The following HECW1 variants were observed in gnomAD, a reference collection of about 807,000 sequenced individuals.
HECW1 encodes E3 ubiquitin-protein ligase HECW1.
In HECW1, 61 loss-of-function variants were observed where a neutral mutation model predicts 182.3. That is an observed-to-expected ratio of 0.33 (90% CI 0.27 to 0.41). The LOEUF (loss-of-function observed/expected upper bound fraction) is 0.41, where lower values mean the gene tolerates loss of function less well. Ranked by LOEUF, HECW1 falls within the 10% of genes least tolerant of loss-of-function variation. The probability of loss-of-function intolerance (pLI) is 1.00; values close to 1 mark genes in which losing one functional copy is unlikely to be tolerated. For missense variants in HECW1, 1,739 were observed against 2,108.9 expected (o/e 0.82, Z 3.44); for synonymous variants, 859 against 832.6 (o/e 1.03, Z -0.55).
chr7:43,378,766 A>G (rs773801466), intron 6 of HECW1, among the ~76,000 whole-genome samples: 49 of 152,154 alleles, frequency 3.2e-4, no homozygotes, highest in Non-Finnish European at 5.7e-4. Flanking sequence ...AGATTGCGCT[A>G]CTGCACTCCA....
At chr7:43,276,123 T>A (rs1803112265) in intron 3 of HECW1, among the ~76,000 whole-genome samples, 1 of 152,196 alleles carries the variant, frequency 6.6e-6, no homozygotes, top group Non-Finnish European at 1.5e-5. Context: ...CCTTTTCATT[T>A]TTTTTCTTGT....
chr7:43,421,009 A>G (rs2076165504), intron 8 of HECW1, among the ~76,000 whole-genome samples: 1 of 152,232 alleles, frequency 6.6e-6, no homozygotes, highest in South Asian at 2.1e-4. Flanking sequence ...AGAAAAGAAA[A>G]AAAAAGCAGG....
chr7:43,191,421 G>A (rs1408435473), intron 2 of HECW1, among the ~76,000 whole-genome samples: 2 of 152,204 alleles, frequency 1.3e-5, no homozygotes, highest in Non-Finnish European at 1.5e-5. Flanking sequence ...CACATGCAGA[G>A]CCAGAATGGG....
chr7:43,515,504 C>T (rs1016857333), intron 24 of HECW1, among the ~76,000 whole-genome samples: 3 of 152,072 alleles, frequency 2.0e-5, no homozygotes, highest in African/African-American at 4.8e-5. Flanking sequence ...GGAGCATGAA[C>T]AAATGAATGA....
At chr7:43,441,655 T>C (rs1161833947) in intron 9 of HECW1, among the ~76,000 whole-genome samples, 1 of 152,216 alleles carries the variant, frequency 6.6e-6, no homozygotes. Flanking sequence ...CCTGTCTAAA[T>C]TACTCAACTC....
intron 6 of HECW1, among the ~76,000 whole-genome samples, chr7:43,364,295 C>T (rs1816339175): frequency 6.6e-6 from 1 of 152,178 alleles, no homozygotes; most frequent in Non-Finnish European, 1.5e-5. Context: ...GTCTTTGTCC[C>T]ATGGGCAACT....
chr7:43,562,824 G>A lies in HECW1; in HGVS notation c.*898G>A, dbSNP rs1271159187. ...AATGCCAACTGGAGAAAGGGAAGAA[G>A]GACATATTACCTTGGTTTGAATCCC... On this transcript the variant is annotated 3_prime_UTR_variant, in exon 30 of 30. Coordinates refer to ENST00000395891, the MANE Select transcript of HECW1 (RefSeq NM_015052.5). 1.4e-5 allele frequency: 3 copies of A among 217,108 alleles called. No homozygotes were observed. Among genetic ancestry groups the A allele is most frequent in the East Asian group, 1.4e-4 (2 of 14,670 alleles). 13.4% of individuals were successfully genotyped at this position (217,108 alleles called of 1,614,324 possible).
At chr7:43,154,828 T>A (rs908460700) in intron 2 of HECW1, among the ~76,000 whole-genome samples, 1 of 152,222 alleles carries the variant, frequency 6.6e-6, no homozygotes, top group Non-Finnish European at 1.5e-5. Context: ...GAAATAGGTA[T>A]AATTTTCTGG....
intron 13 of HECW1, among the ~76,000 whole-genome samples, chr7:43,462,473 C>T (rs1376839334): frequency 6.6e-6 from 1 of 151,784 alleles, no homozygotes; most frequent in African/African-American, 2.4e-5. Context: ...CCTGGGAACT[C>T]ATCAGAAATG....
intron 3 of HECW1, among the ~76,000 whole-genome samples, chr7:43,286,703 G>T (rs1451552470): frequency 1.3e-5 from 2 of 152,006 alleles, no homozygotes; most frequent in African/African-American, 4.8e-5. Flanking sequence ...TGGGAGGAGG[G>T]ATATCACCAA....
In HECW1 at chr7:43,142,611, GC is replaced by G. The variant is rs1282866115; in HGVS notation, c.-32+28224del. On this transcript the variant is annotated intron_variant, in intron 2 of 29. Transcript: ENST00000395891. ...TCACATCTCTTTGCCCACAGGCCTG[GC>G]CCCTCTGTGGCTTCTAATTTTTTGT... 3.3e-5 allele frequency among the ~76,000 whole-genome samples: 5 copies of G among 152,280 alleles called. No individual in the cohort carries two copies. In the East Asian group the frequency reaches 9.7e-4, roughly 29 times the overall value.
intron 2 of HECW1, among the ~76,000 whole-genome samples, chr7:43,175,638 G>A (rs1181656364): frequency 6.6e-6 from 1 of 152,174 alleles, no homozygotes; most frequent in African/African-American, 2.4e-5. Context: ...CAATGTGAAG[G>A]CAAATAGAGT....
At chr7:43,181,412 C>T (rs1399654585) in intron 2 of HECW1, among the ~76,000 whole-genome samples, 1 of 150,866 alleles carries the variant, frequency 6.6e-6, no homozygotes, top group Admixed American at 6.6e-5. Context: ...TTTTGAGGAA[C>T]CTCAACACTG....
intron 21 of HECW1, among the ~76,000 whole-genome samples, 174 bp from the exon 22 acceptor site, chr7:43,506,963 G>A (rs530804331): frequency 2.0e-5 from 3 of 152,244 alleles, no homozygotes; most frequent in Middle Eastern, 6.8e-3. Context: ...CCAGCTACTC[G>A]GGAGGCTGAA....
At chr7:43,371,652 T>G (rs2074108541) in intron 6 of HECW1, among the ~76,000 whole-genome samples, 1 of 152,120 alleles carries the variant, frequency 6.6e-6, no homozygotes, top group African/African-American at 2.4e-5. Flanking sequence ...CAAAAGCTAT[T>G]TGGGATATAT....
At position 43,445,429 on chromosome 7, in the gene HECW1, A is replaced by G. The variant is rs1562988044; in HGVS notation, c.2257A>G (p.Met753Val). Residue 753 changes from methionine to valine, a missense_variant, in exon 11 of 30, where the codon ATG becomes GTG. By Grantham distance (21) the Met-to-Val change is conservative. This residue lies in a region of HECW1 where 971 missense variants were observed against 1,029.1 expected (regional missense o/e 0.94). Transcript: ENST00000395891. ...NSAFESVPDS[M>V]QSPELDPEST... ...CGCGTTCGAGTCGGTACCCGACTCC[A>G]TGCAGAGCCCTGAGCTGGACCCGGA... The G allele has an allele frequency of 6.2e-7, 1 of 1,613,396 alleles. No individual in the cohort carries two copies. Among genetic ancestry groups the G allele is most frequent in the African/African-American group, 1.3e-5 (1 of 75,082 alleles).
chr7:43,159,478 A>G (rs920586644), intron 2 of HECW1, among the ~76,000 whole-genome samples: 1 of 151,980 alleles, frequency 6.6e-6, no homozygotes, highest in Non-Finnish European at 1.5e-5. Context: ...AAATCTTTAT[A>G]CATTGATATA....
intron 24 of HECW1, among the ~76,000 whole-genome samples, chr7:43,533,733 C>T (rs944628334): frequency 3.3e-5 from 5 of 152,212 alleles, no homozygotes; most frequent in Admixed American, 2.6e-4. Context: ...TCACCAAAGG[C>T]ACAAGAGCCA....
intron 21 of HECW1, among the ~76,000 whole-genome samples, chr7:43,506,397 CT>C (rs1563067692): frequency 2.0e-5 from 3 of 152,138 alleles, no homozygotes. Context: ...CATCCATGTC[CT>C]TTTAAGAGAA....
Sources: gnomAD v4.1 joint callset for allele counts (sites outside exome capture counted in the v4.1 genomes callset) on GRCh38, gnomAD v4.1.1 for gene constraint, gnomAD v4.1.1 regional missense constraint, MANE v1.5 for transcripts, NCBI Gene and HGNC (gene_info 2026-07-23, HGNC 2026-07-21) for gene names.